FER: variants seen among roughly 807,000 people sequenced by gnomAD.
FER encodes the protein tyrosine-protein kinase Fer.
Under a neutral mutation model 111.0 loss-of-function variants are expected in FER, and 63 were observed. That is an observed-to-expected ratio of 0.57 (90% confidence interval 0.46 to 0.70). The LOEUF (loss-of-function observed/expected upper bound fraction) is 0.70, where lower values mean the gene tolerates loss of function less well. Among genes scored for constraint, FER ranks in the 30% least tolerant of loss-of-function variants. The pLI, the probability that FER is intolerant of heterozygous loss-of-function variation, is 0.00. For synonymous variants in FER, 327 were observed against 313.9 expected, an observed-to-expected ratio of 1.04 and a Z score of -0.44; for missense variants, 914 against 954.0, an observed-to-expected ratio of 0.96 and a Z score of 0.55.
At chr5:108,905,015 G>C (rs1750554293) in intron 10 of FER, among the ~76,000 whole-genome samples, 1 of 151,952 alleles carries the variant, frequency 6.6e-6, no homozygotes, top group Non-Finnish European at 1.5e-5. Context: ...TTATAAAACA[G>C]GTAAGCTAGG....
intron 17 of FER, among the ~76,000 whole-genome samples, chr5:109,122,916 A>G (rs1196045216): frequency 1.3e-5 from 2 of 151,964 alleles, no homozygotes; most frequent in African/African-American, 4.8e-5. Flanking sequence ...TTTGCACGGA[A>G]TATCTTTTTT....
intron 10 of FER, among the ~76,000 whole-genome samples, chr5:108,906,385 T>G (rs1401803424): frequency 6.6e-6 from 1 of 152,192 alleles, no homozygotes; most frequent in African/African-American, 2.4e-5. Flanking sequence ...TAGGTAAGCA[T>G]GTTTGTGATC....
chr5:109,143,588 A>T (rs1298941747), intron 17 of FER, among the ~76,000 whole-genome samples: 1 of 151,370 alleles, frequency 6.6e-6, no homozygotes, highest in Non-Finnish European at 1.5e-5. Context: ...TCTCCACCCC[A>T]CCTCCATTAT....
intron 13 of FER, among the ~76,000 whole-genome samples, chr5:109,030,440 A>G (rs75830267): frequency 0.011 from 1,699 of 152,238 alleles, 25 homozygotes; most frequent in Middle Eastern, 0.037. Flanking sequence ...TAAATCTTTC[A>G]TTTTTGCAGG....
chr5:109,110,633 T>C (rs1749496012), intron 17 of FER, among the ~76,000 whole-genome samples: 1 of 152,104 alleles, frequency 6.6e-6, no homozygotes, highest in Non-Finnish European at 1.5e-5. Context: ...AGTGGAATTC[T>C]TTTTTATATA....
chr5:109,186,246 C>A lies in FER; in HGVS notation c.2250C>A (p.Leu750=), dbSNP rs768442814. ...ESDVWSFGIL[L]WETFSLGVCP... ...ACGTGTGGAGCTTTGGCATCCTTCTCTGGGAGACCTTCAGCTTAGGGGTTT... is the reference window on the plus strand; with the variant it reads ...ACGTGTGGAGCTTTGGCATCCTTCTATGGGAGACCTTCAGCTTAGGGGTTT... Residue 750 remains leucine (L), a synonymous_variant, in exon 19 of 20, where the codon CTC becomes CTA. Coordinates refer to ENST00000281092, the MANE Select transcript of FER (RefSeq NM_005246.4). 1 of 1,614,122 alleles carries A rather than the reference C, an allele frequency of 6.2e-7. No homozygotes were observed. Among genetic ancestry groups the A allele is most frequent in the South Asian group, 1.1e-5 (1 of 91,078 alleles).
chr5:108,844,988 GTGTGTGTGTATA>G (rs1411186352), intron 5 of FER, among the ~76,000 whole-genome samples: 39 of 31,734 alleles, frequency 1.2e-3, no homozygotes, highest in African/African-American at 3.8e-3. Flanking sequence ...TTGCTGGTGT[GTGTGTGTGTATA>G]TATATATATA....
intron 5 of FER, among the ~76,000 whole-genome samples, chr5:108,861,087 A>G (rs1351839922): frequency 6.6e-6 from 1 of 152,222 alleles, no homozygotes; most frequent in Non-Finnish European, 1.5e-5. Flanking sequence ...ACATAGAGCC[A>G]AACCATATTA....
intron 9 of FER, among the ~76,000 whole-genome samples, chr5:108,885,144 C>G (rs192303009): frequency 1.3e-5 from 2 of 152,084 alleles, no homozygotes; most frequent in Admixed American, 6.6e-5. Flanking sequence ...ATTACTCTCT[C>G]TCAGATTTAT....
At chr5:109,078,600 A>G (rs536684465) in intron 16 of FER, among the ~76,000 whole-genome samples, 1 of 152,304 alleles carries the variant, frequency 6.6e-6, no homozygotes, top group African/African-American at 2.4e-5. Flanking sequence ...CCTCTTTCAC[A>G]TCATCCACAC....
At chr5:108,838,305 G>A (rs956017967) in intron 5 of FER, among the ~76,000 whole-genome samples, 1 of 152,064 alleles carries the variant, frequency 6.6e-6, no homozygotes, top group Non-Finnish European at 1.5e-5. Context: ...AGAGACTGCG[G>A]GGTGCTTACA....
chr5:108,811,161 C>T (rs890763241), intron 3 of FER, among the ~76,000 whole-genome samples: 5 of 151,966 alleles, frequency 3.3e-5, no homozygotes, highest in African/African-American at 1.2e-4. Flanking sequence ...GCCTGGAGAT[C>T]TGCCTAGGTG....
chr5:108,937,911 A>G (rs975597438), intron 10 of FER, among the ~76,000 whole-genome samples: 1 of 151,618 alleles, frequency 6.6e-6, no homozygotes, highest in African/African-American at 2.4e-5. Flanking sequence ...ATAAAGGGCA[A>G]GCAGTAGCTG....
At chr5:108,982,598 T>A (rs934429590) in intron 13 of FER, among the ~76,000 whole-genome samples, 2 of 152,124 alleles carry the variant, frequency 1.3e-5, no homozygotes, top group Non-Finnish European at 2.9e-5. Context: ...ACACTATTTT[T>A]TCGGTATTCC....
At chr5:108,971,568 A>G (rs2030381535) in intron 13 of FER, among the ~76,000 whole-genome samples, 2 of 152,190 alleles carry the variant, frequency 1.3e-5, no homozygotes, top group South Asian at 2.1e-4. Flanking sequence ...TTTAGATAAC[A>G]GTGTCCTCAA....
intron 3 of FER, among the ~76,000 whole-genome samples, chr5:108,802,572 A>G (rs1267605846): frequency 5.9e-5 from 9 of 151,566 alleles, no homozygotes; most frequent in African/African-American, 1.2e-4. Context: ...TGTGTACCCA[A>G]TGTTTAGCTG....
intron 2 of FER, among the ~76,000 whole-genome samples, chr5:108,781,719 C>T (rs1355434161): frequency 6.6e-6 from 1 of 152,100 alleles, no homozygotes; most frequent in Non-Finnish European, 1.5e-5. Context: ...TCCCCGTCTC[C>T]CAAGGTAAGA....
At chr5:109,181,594 T>G (rs1010135819) in intron 18 of FER, among the ~76,000 whole-genome samples, 2 of 152,206 alleles carry the variant, frequency 1.3e-5, no homozygotes, top group African/African-American at 4.8e-5. Flanking sequence ...GAGCCATGGA[T>G]TGGTGAATGG....
intron 17 of FER, among the ~76,000 whole-genome samples, chr5:109,153,224 C>A (rs1045433194): frequency 7.2e-6 from 1 of 139,538 alleles, no homozygotes; most frequent in South Asian, 2.5e-4. Context: ...AAAAAAAAAT[C>A]AATTTGGACA....
Sources: allele counts gnomAD v4.1 joint callset (sites outside exome capture counted in the v4.1 genomes callset), GRCh38; gene constraint gnomAD v4.1.1; transcripts MANE v1.5; gene names NCBI Gene and HGNC (gene_info 2026-07-23, HGNC 2026-07-21).